The following SPATA13 variants were observed in gnomAD, a reference collection of about 807,000 sequenced individuals.
SPATA13 encodes the protein spermatogenesis associated 13, also known as spermatogenesis-associated protein 13.
In SPATA13, 50 loss-of-function variants were observed where a neutral mutation model predicts 104.0. That is an observed-to-expected ratio of 0.48 (90% CI 0.38 to 0.61). The LOEUF is 0.61. Among genes scored for constraint, SPATA13 ranks in the 20% least tolerant of loss-of-function variants. The probability of loss-of-function intolerance (pLI) is 0.00; values close to 1 mark genes in which losing one functional copy is unlikely to be tolerated. For missense variants in SPATA13, 1,524 were observed against 1,690.6 expected (o/e 0.90, Z 1.73); for synonymous variants, 606 against 667.5 (o/e 0.91, Z 1.42).
intron 3 of SPATA13, among the ~76,000 whole-genome samples, chr13:24,058,815 A>T (rs982685472): frequency 6.6e-6 from 1 of 151,748 alleles, no homozygotes; most frequent in Non-Finnish European, 1.5e-5. Context: ...GTTTACACAA[A>T]CTTTCCAGAG....
At chr13:24,175,812 T>A (rs748113393) in intron 1 of SPATA13, among the ~76,000 whole-genome samples, 3 of 152,204 alleles carry the variant, frequency 2.0e-5, no homozygotes, top group Non-Finnish European at 2.9e-5. Flanking sequence ...ATTTTTCTTC[T>A]CCCACAGGAG....
chr13:24,235,409 T>A (rs1476179471), intron 2 of SPATA13, among the ~76,000 whole-genome samples: 3 of 152,146 alleles, frequency 2.0e-5, no homozygotes, highest in Non-Finnish European at 4.4e-5. Context: ...CAGGGAGGCA[T>A]GCCGGAAAGA....
intron 8 of SPATA13, among the ~76,000 whole-genome samples, chr13:24,290,435 G>T (rs1454360934): frequency 6.6e-6 from 1 of 152,122 alleles, no homozygotes; most frequent in African/African-American, 2.4e-5. Flanking sequence ...CCCCTCAGGA[G>T]CCTGCTGAAG....
At chr13:24,039,957 T>C (rs7323877) in intron 3 of SPATA13, among the ~76,000 whole-genome samples, 132,804 of 152,192 alleles carry the variant, frequency 0.87, 58,001 homozygotes, top group East Asian at 0.93. Flanking sequence ...CCTTTCTGAG[T>C]GGTGGAGCCC....
intron 3 of SPATA13, chr13:24,123,438 T>C (rs1443113146): frequency 5.5e-6 from 8 of 1,448,278 alleles, no homozygotes; most frequent in Non-Finnish European, 6.8e-6. Context: ...CAACATGCAT[T>C]CCATCTGATC....
Position 24,302,786 on chromosome 13 carries a change from G to A in SPATA13, c.*13G>A, listed in dbSNP as rs374270470. On this transcript the variant is annotated 3_prime_UTR_variant, in exon 13 of 13. Transcript: ENST00000382108. ...CTTCCGGAAATGAAAACAGGAGGCT[G>A]TGCTTCCATGGAGCTGGGTGTCAAG... 2.5e-5 allele frequency: 40 copies of A among 1,614,006 alleles called. No individual in the cohort carries two copies. In the African/African-American group the frequency reaches 4.1e-4, roughly 17 times the overall value.
intron 1 of SPATA13, among the ~76,000 whole-genome samples, chr13:24,190,673 TCA>T (rs1440613412): frequency 1.3e-5 from 2 of 151,980 alleles, no homozygotes; most frequent in African/African-American, 4.8e-5. Context: ...TGCTGCAATC[TCA>T]TGATAAAAAT....
At chr13:24,002,058 C>T (rs950917887) in intron 2 of SPATA13, among the ~76,000 whole-genome samples, 2 of 151,900 alleles carry the variant, frequency 1.3e-5, no homozygotes, top group African/African-American at 2.4e-5. Flanking sequence ...CTTACATGGC[C>T]GAGAGGGAGT....
intron 1 of SPATA13, among the ~76,000 whole-genome samples, chr13:24,212,318 G>A (rs1223811642): frequency 2.6e-5 from 4 of 150,948 alleles, no homozygotes; most frequent in East Asian, 3.9e-4. Flanking sequence ...AAAAAAGGTC[G>A]AGGGAAACAA....
intron 12 of SPATA13, chr13:24,300,695 A>G (rs1877121228): frequency 1.8e-6 from 1 of 546,482 alleles, no homozygotes; most frequent in Non-Finnish European, 3.3e-6. Flanking sequence ...GGGCATAGGA[A>G]ACCTTCAGAG....
chr13:24,110,790 C>G (rs182554522), intron 3 of SPATA13, among the ~76,000 whole-genome samples: 2 of 152,324 alleles, frequency 1.3e-5, no homozygotes, highest in East Asian at 3.9e-4. Flanking sequence ...TGGGAAAGGG[C>G]AGATCTTTCC....
At chr13:24,158,994 A>T (rs865953390), upstream of SPATA13, among the ~76,000 whole-genome samples, 1 of 152,246 alleles carries the variant, frequency 6.6e-6, no homozygotes, top group South Asian at 2.1e-4. Flanking sequence ...TTGCATGTAA[A>T]TGTTAATAGT....
At chr13:24,151,086 A>T (rs1882087828) in intron 3 of SPATA13, among the ~76,000 whole-genome samples, 1 of 152,232 alleles carries the variant, frequency 6.6e-6, no homozygotes, top group African/African-American at 2.4e-5. Flanking sequence ...AATTTTACAG[A>T]TGATAACATT....
At chr13:24,294,103 C>T (rs985965969) in intron 9 of SPATA13, among the ~76,000 whole-genome samples, 12 of 152,208 alleles carry the variant, frequency 7.9e-5, no homozygotes, top group African/African-American at 2.9e-4. Flanking sequence ...GTAGTTTCTG[C>T]TTTTCCGGTG....
intron 3 of SPATA13, among the ~76,000 whole-genome samples, chr13:24,057,921 C>T (rs1406814526): frequency 6.6e-6 from 1 of 151,694 alleles, no homozygotes; most frequent in African/African-American, 2.4e-5. Context: ...CCACGCTGCC[C>T]TAACTCCACG....
intron 3 of SPATA13, among the ~76,000 whole-genome samples, chr13:24,112,402 G>A (rs969900792): frequency 6.6e-6 from 1 of 152,112 alleles, no homozygotes; most frequent in African/African-American, 2.4e-5. Context: ...AATCCTACAC[G>A]TGTTTTATCT....
intron 1 of SPATA13, among the ~76,000 whole-genome samples, chr13:24,189,497 GTATATA>G (rs140072710): frequency 7.5e-6 from 1 of 133,872 alleles, no homozygotes; most frequent in Non-Finnish European, 1.5e-5. Context: ...ATATATACGT[GTATATA>G]TATATATAAT....
At chr13:24,066,258 G>A (rs1878959686) in intron 3 of SPATA13, among the ~76,000 whole-genome samples, 1 of 152,036 alleles carries the variant, frequency 6.6e-6, no homozygotes, top group African/African-American at 2.4e-5. Flanking sequence ...GCTTAAGCAG[G>A]GTTCATTCCT....
At chr13:24,266,362 G>A (rs1484707736) in intron 4 of SPATA13, among the ~76,000 whole-genome samples, 2 of 152,166 alleles carry the variant, frequency 1.3e-5, no homozygotes, top group Non-Finnish European at 2.9e-5. Context: ...ATAGCTCACT[G>A]CAGCCTCGAT....
Sources: gnomAD v4.1 joint callset for allele counts (sites outside exome capture counted in the v4.1 genomes callset) on GRCh38, gnomAD v4.1.1 for gene constraint, MANE v1.5 for transcripts, NCBI Gene and HGNC (gene_info 2026-07-23, HGNC 2026-07-21) for gene names.